The following LAMA1 variants were observed in gnomAD, a reference collection of about 807,000 sequenced individuals.
The protein encoded by LAMA1 is laminin subunit alpha 1, also known as laminin subunit alpha-1.
LAMA1 carries 219 observed loss-of-function variants against 348.7 expected under a neutral mutation model. The observed-to-expected ratio is 0.63, with a 90% CI of 0.56 to 0.70. The LOEUF is 0.70. Ranked by LOEUF, LAMA1 falls within the 30% of genes least tolerant of loss-of-function variation. The pLI is 0.00. For synonymous variants in LAMA1, 1,487 were observed against 1,491.0 expected (o/e 1.00, Z 0.06); for missense variants, 3,744 against 3,888.0 (o/e 0.96, Z 0.99).
At position 7,023,223 on chromosome 18, in the gene LAMA1, T is replaced by C. The variant is rs759294496; in HGVS notation, c.2642A>G (p.His881Arg). The C allele has an allele frequency of 6.2e-7, 1 of 1,613,810 alleles. No homozygotes were observed. Among genetic ancestry groups the C allele is most frequent in the East Asian group, 2.2e-5 (1 of 44,872 alleles). Reference sequence around the variant, plus strand: ...GAACCCGTCAGCACACCTTTCACAGTGGGCGCCATCTGTGTTCCCCAGGCA... The same window carrying C: ...GAACCCGTCAGCACACCTTTCACAGCGGGCGCCATCTGTGTTCCCCAGGCA... ...LKCLGNTDGA[H>R]CERCADGFYG... The change falls in exon 19 of 63, where the codon CAC becomes CGC. Residue 881 changes from histidine (H) to arginine (R), a missense_variant. His to Arg is a conservative substitution (Grantham distance 29). This residue lies in a region of LAMA1 where 1,529 missense variants were observed against 1,689.4 expected (regional missense o/e 0.91). Coordinates refer to ENST00000389658, the MANE Select transcript of LAMA1 (RefSeq NM_005559.4).
At chr18:7,101,864 T>TG (rs370724925) in intron 1 of LAMA1, among the ~76,000 whole-genome samples, 3,486 of 148,052 alleles carry the variant, frequency 0.024, 125 homozygotes, top group African/African-American at 0.08. Context: ...TTTGTAGAGC[T>TG]GGGGGGGTCT....
intron 16 of LAMA1, among the ~76,000 whole-genome samples, chr18:7,031,212 C>T (rs12963276): frequency 0.23 from 34,617 of 151,906 alleles, 4,306 homozygotes; most frequent in African/African-American, 0.31. Context: ...TGCCAGGCGA[C>T]CAGGGTACAG....
At position 6,958,575 on chromosome 18, in the gene LAMA1, A is replaced by G; in HGVS notation, c.7866T>C (p.Asn2622=). 6.2e-7 allele frequency: 1 copy of G among 1,614,178 alleles called. No homozygotes were observed. The highest frequency in any genetic ancestry group is 1.3e-5 in the African/African-American group (1 of 75,064). Reference sequence around the variant, plus strand: ...CCTCTGGAATTCCCCCGACGTACAGATTGGACACATTTATCGTCCTGCTTT... The same window carrying G: ...CCTCTGGAATTCCCCCGACGTACAGGTTGGACACATTTATCGTCCTGCTTT... ...LVESRTINVS[N]LYVGGIPEGE... The change falls in exon 55 of 63, where the codon AAT becomes AAC. Residue 2622 remains asparagine (N), a synonymous_variant. Transcript: ENST00000389658.
At chr18:7,075,975 G>A (rs1242301771) in intron 3 of LAMA1, among the ~76,000 whole-genome samples, 1 of 151,666 alleles carries the variant, frequency 6.6e-6, no homozygotes, top group East Asian at 1.9e-4. Flanking sequence ...TGCAATTATT[G>A]ACTCAGTGCC....
At chr18:7,009,535 A>G (rs1361942119) in intron 26 of LAMA1, among the ~76,000 whole-genome samples, 169 bp from the exon 27 acceptor site, 1 of 152,190 alleles carries the variant, frequency 6.6e-6, no homozygotes. Flanking sequence ...GGACAGGCGC[A>G]GTGTCAGTTC....
chr18:7,000,351 C>T (rs570311558), intron 30 of LAMA1, among the ~76,000 whole-genome samples: 1 of 152,254 alleles, frequency 6.6e-6, no homozygotes, highest in African/African-American at 2.4e-5. Context: ...GGTAAGAGAG[C>T]TGAAACAACT....
At chr18:6,975,132 C>T (rs892957169) in intron 45 of LAMA1, 96 bp from the exon 46 acceptor site, 67 of 1,398,638 alleles carry the variant, frequency 4.8e-5, no homozygotes, top group Non-Finnish European at 5.6e-5. Flanking sequence ...GGGGTTTTCT[C>T]TTTTCTTAAA....
At chr18:6,956,940 A>G in intron 55 of LAMA1, 175 bp from the exon 56 acceptor site, 1 of 689,824 alleles carries the variant, frequency 1.4e-6, no homozygotes, top group Non-Finnish European at 2.5e-6. Context: ...ATGCTATCTT[A>G]ATATTTCTTG....
Position 6,950,966 on chromosome 18 carries a change from G to T in LAMA1, c.8213C>A (p.Ser2738Ter), listed in dbSNP as rs1203624335. 1 of 1,613,418 alleles carries T rather than the reference G, an allele frequency of 6.2e-7. No homozygotes were observed. Among genetic ancestry groups the T allele is most frequent in the South Asian group, 1.1e-5 (1 of 90,944 alleles). Residue 2738 changes from serine to a stop codon, truncating the protein, a stop_gained, in exon 58 of 63, where the codon TCG becomes TAG. Transcript: ENST00000389658. LOFTEE classifies it high-confidence loss of function. ...GAACGTGCGGATGCTTAGCTCAACC[G>T]AGAGCCTGGGGAAAACAAGTGCTCA... is the stretch of plus-strand genomic sequence containing the variant. ...FNQSAVRKKL[S>*]VELSIRTFAS... is the part of the protein sequence containing the mutation.
At chr18:7,001,522 C>T (rs2057807676) in intron 30 of LAMA1, among the ~76,000 whole-genome samples, 1 of 152,108 alleles carries the variant, frequency 6.6e-6, no homozygotes, top group Non-Finnish European at 1.5e-5. Flanking sequence ...TAGTGCCTCT[C>T]ATTTGGTACT....
rs373111843 is a variant in LAMA1, at chr18:7,074,026, G to C, written c.345+5949C>G. 1.6e-4 allele frequency among the ~76,000 whole-genome samples: 24 copies of C among 151,790 alleles called. No individual in the cohort carries two copies. The East Asian group carries it at 3.7e-3, about 23-fold the overall frequency. On this transcript the variant is annotated intron_variant, in intron 3 of 62. Coordinates refer to ENST00000389658, the MANE Select transcript of LAMA1 (RefSeq NM_005559.4). The stretch of plus-strand genomic sequence containing the variant: ...ATTTTTTGTATTTTAGTAGAGACAG[G>C]GTTTCACCATGTTGGCCGAGATGGT...
intron 3 of LAMA1, 28 bp downstream of exon 3, chr18:7,079,947 A>C (rs2058186021): frequency 3.3e-6 from 5 of 1,505,106 alleles, no homozygotes; most frequent in Admixed American, 1.7e-5. Flanking sequence ...GCCTGTAGAC[A>C]CTCTTCAATG....
intron 1 of LAMA1, among the ~76,000 whole-genome samples, chr18:7,105,099 T>G (rs927842857): frequency 6.6e-6 from 1 of 152,146 alleles, no homozygotes; most frequent in Non-Finnish European, 1.5e-5. Context: ...GGAAAACTTC[T>G]GAAGGAGGCC....
chr18:6,977,893 A>G lies in LAMA1; in HGVS notation c.6191-12T>C, dbSNP rs745543762. The G allele has an allele frequency of 1.1e-4, 175 of 1,609,500 alleles. No individual in the cohort carries two copies. Among genetic ancestry groups the G allele is most frequent in the Non-Finnish European group, 1.4e-4 (170 of 1,179,978 alleles). Reference sequence around the variant, plus strand: ...TCCAGCCAACAGAGCTAACAAATACAAGAAGGCAAGGGGTGGCAAGAAAGT... The same window carrying G: ...TCCAGCCAACAGAGCTAACAAATACGAGAAGGCAAGGGGTGGCAAGAAAGT... On this transcript the variant is annotated splice_polypyrimidine_tract_variant and intron_variant, in intron 43 of 62. Transcript: ENST00000389658.
chr18:6,957,096 C>T (rs1176650536), intron 55 of LAMA1: 1 of 364,118 alleles, frequency 2.7e-6, no homozygotes, highest in African/African-American at 2.1e-5. Flanking sequence ...ACGTTTTTGT[C>T]TCTAGTTCCC....
intron 3 of LAMA1, among the ~76,000 whole-genome samples, chr18:7,060,866 A>G (rs1325690608): frequency 6.6e-6 from 1 of 152,174 alleles, no homozygotes; most frequent in South Asian, 2.1e-4. Flanking sequence ...TGTTTTAAAA[A>G]GTGTGCAGGC....
rs756645560 is a variant in LAMA1 at position 7,011,349 on chromosome 18, C to G, written c.3638G>C (p.Arg1213Pro). 6.2e-6 allele frequency: 10 copies of G among 1,612,346 alleles called. No homozygotes were observed. The highest frequency in any genetic ancestry group is 8.5e-6 in the Non-Finnish European group (10 of 1,179,594). ...CAGCCGCCAGTAAAACGGCTCTGCA[C>G]GGATGTGCTGCCGGACGGTGGCGGC... The part of the protein sequence containing the change: ...LDAATVRQHI[R>P]AEPFYWRLPQ... The change falls in exon 25 of 63, where the codon CGT becomes CCT. Residue 1213 changes from arginine (R) to proline (P), a missense_variant. Coordinates refer to ENST00000389658, the MANE Select transcript of LAMA1 (RefSeq NM_005559.4).
intron 1 of LAMA1, among the ~76,000 whole-genome samples, chr18:7,100,159 C>T (rs907378623): frequency 3.4e-5 from 5 of 149,184 alleles, no homozygotes; most frequent in African/African-American, 1.2e-4. Flanking sequence ...ATATGCAAAA[C>T]TCTTAACTAA....
intron 7 of LAMA1, among the ~76,000 whole-genome samples, chr18:7,044,267 T>C (rs185272522): frequency 7.9e-5 from 12 of 151,830 alleles, no homozygotes; most frequent in African/African-American, 2.9e-4. Context: ...AACATATGCG[T>C]TATATGCATA....
Sources: allele counts gnomAD v4.1 joint callset (sites outside exome capture counted in the v4.1 genomes callset), GRCh38; gene constraint gnomAD v4.1.1; regional missense constraint gnomAD v4.1.1; transcripts MANE v1.5; gene names NCBI Gene and HGNC (gene_info 2026-07-23, HGNC 2026-07-21).